The following CEP83 variants were observed in gnomAD, a reference collection of about 807,000 sequenced individuals.
CEP83 encodes centrosomal protein of 83 kDa.
A neutral mutation model predicts 101.9 loss-of-function variants in CEP83; 70 were observed. The observed-to-expected ratio is 0.69, with a 90% CI of 0.57 to 0.84. The LOEUF is 0.84. Ranked by LOEUF, CEP83 falls within the 40% of genes least tolerant of loss-of-function variation. CEP83 has a pLI of 0.00. For synonymous variants in CEP83, 264 were observed against 267.9 expected (o/e 0.99, Z 0.14); for missense variants, 715 against 787.2 (o/e 0.91, Z 1.10).
At chr12:94,357,145 C>T (rs1173618984) in intron 11 of CEP83, among the ~76,000 whole-genome samples, 1 of 152,142 alleles carries the variant, frequency 6.6e-6, no homozygotes, top group Non-Finnish European at 1.5e-5. Context: ...TAGCTTTCCA[C>T]AATGCTAATC....
intron 14 of CEP83, among the ~76,000 whole-genome samples, chr12:94,318,009 T>C (rs1971009780): frequency 6.6e-6 from 1 of 152,166 alleles, no homozygotes; most frequent in Admixed American, 6.5e-5. Flanking sequence ...AAATTGCTTT[T>C]GACAGTATGG....
chr12:94,439,525 T>C lies in CEP83; in HGVS notation c.-154-4198A>G, dbSNP rs183696261. ...AACAGGTCAATAACAAGTAGCAAGA[T>C]TGAAACAGTAATAAACAAAAAAAAT... On this transcript the variant is annotated intron_variant, in intron 1 of 16. Coordinates refer to ENST00000397809, the MANE Select transcript of CEP83 (RefSeq NM_016122.3). 2.7e-3 allele frequency among the ~76,000 whole-genome samples: 404 copies of C among 150,696 alleles called. 7 individuals carry two copies. In the South Asian group the frequency reaches 0.043, roughly 16 times the overall value.
At chr12:94,390,010 G>A (rs2062418887) in intron 6 of CEP83, among the ~76,000 whole-genome samples, 1 of 152,250 alleles carries the variant, frequency 6.6e-6, no homozygotes, top group Non-Finnish European at 1.5e-5. Context: ...AGGACCTACT[G>A]CCTCTAGACA....
intron 1 of CEP83, among the ~76,000 whole-genome samples, chr12:94,449,618 AG>A (rs1249874595): frequency 1.3e-4 from 20 of 148,992 alleles, no homozygotes; most frequent in Non-Finnish European, 3.0e-4. Context: ...AAAAAAAAAA[AG>A]AAAAATAGCC....
rs530807821 is a variant in CEP83, at chr12:94,394,075, C to G, written c.549+6775G>C. On this transcript the variant is annotated intron_variant, in intron 6 of 16. Coordinates refer to ENST00000397809, the MANE Select transcript of CEP83 (RefSeq NM_016122.3). ...CAAGGTAATTTAGATTCAATGCCAT[C>G]CCCATCAAGCTACCAATGACTTTCT... Among the ~76,000 whole-genome samples the G allele has an allele frequency of 9.2e-5, 14 of 152,224 alleles. No individual in the cohort carries two copies. In the East Asian group the frequency reaches 2.7e-3, roughly 29 times the overall value.
chr12:94,334,952 T>C (rs1248045111), intron 12 of CEP83, among the ~76,000 whole-genome samples: 1 of 152,110 alleles, frequency 6.6e-6, no homozygotes, highest in Non-Finnish European at 1.5e-5. Flanking sequence ...GTCCATCTAG[T>C]TAAGACTTAG....
At chr12:94,293,826 GC>G in the CEP83 span, among the ~76,000 whole-genome samples, 3 of 152,064 alleles carry the variant, frequency 2.0e-5, no homozygotes, top group African/African-American at 7.3e-5. Context: ...TCCCTATGTT[GC>G]CCAGGCTGGT....
the CEP83 span, among the ~76,000 whole-genome samples, chr12:94,293,149 C>T: frequency 6.6e-6 from 1 of 152,156 alleles, no homozygotes; most frequent in Non-Finnish European, 1.5e-5. Flanking sequence ...AAGATTTACC[C>T]ATGTGGCGTG....
chr12:94,267,946 G>GA, the CEP83 span, among the ~76,000 whole-genome samples: 3 of 152,052 alleles, frequency 2.0e-5, no homozygotes, highest in African/African-American at 7.3e-5. Flanking sequence ...TTATGTAATT[G>GA]AAAACCAAGG....
intron 1 of CEP83, among the ~76,000 whole-genome samples, chr12:94,442,286 C>T (rs148906023): frequency 5.1e-4 from 78 of 151,700 alleles, no homozygotes; most frequent in African/African-American, 1.8e-3. Context: ...AACCAAACAC[C>T]GTATCTTCTC....
chr12:94,431,854 C>A (rs2065651321), intron 2 of CEP83, among the ~76,000 whole-genome samples: 1 of 151,948 alleles, frequency 6.6e-6, no homozygotes, highest in Admixed American at 6.6e-5. Flanking sequence ...ATTAGTACAG[C>A]TACTATGAAA....
intron 1 of CEP83, among the ~76,000 whole-genome samples, chr12:94,439,317 C>T (rs568960586): frequency 1.3e-5 from 2 of 152,120 alleles, no homozygotes; most frequent in South Asian, 4.1e-4. Flanking sequence ...ATCCAAACAG[C>T]TCAATTAGAA....
At position 94,455,230 on chromosome 12, in the gene CEP83, CTTAAGT is replaced by C. The variant is rs545848618; in HGVS notation, c.-155+4321_-155+4326del. On this transcript the variant is annotated intron_variant, in intron 1 of 16. Transcript: ENST00000397809. ...CCTTAAGAGCATATATTGCATGCCC[CTTAAGT>C]TTAACAATATCTGAAATAGCTGCCT... Among the ~76,000 whole-genome samples the C allele has an allele frequency of 2.3e-3, 345 of 152,286 alleles. 1 individual carries two copies. Among genetic ancestry groups the C allele is most frequent in the Non-Finnish European group, 3.5e-3 (240 of 68,020 alleles).
At chr12:94,384,072 G>C (rs1157434421) in intron 6 of CEP83, among the ~76,000 whole-genome samples, 1 of 152,028 alleles carries the variant, frequency 6.6e-6, no homozygotes, top group Non-Finnish European at 1.5e-5. Context: ...CTAATACTTT[G>C]AGATTCCTTC....
At position 94,367,960 on chromosome 12, in the gene CEP83, T is replaced by C. The variant is rs752402166; in HGVS notation, c.1194-17A>G. 1 of 1,609,974 alleles carries C rather than the reference T, an allele frequency of 6.2e-7. No homozygotes were observed. The highest frequency in any genetic ancestry group is 2.2e-5 in the East Asian group (1 of 44,802). On this transcript the variant is annotated splice_polypyrimidine_tract_variant and intron_variant, in intron 10 of 16. Transcript: ENST00000397809. ...AGTTCTAACCTAAAACAAGAGATCA[T>C]AATTATGTTACAAGAACTATAATAA...
chr12:94,458,827 C>T (rs1302357094), intron 1 of CEP83, among the ~76,000 whole-genome samples: 1 of 152,186 alleles, frequency 6.6e-6, no homozygotes, highest in East Asian at 1.9e-4. Context: ...ATTCTAACCA[C>T]TTACAGGCTA....
intron 14 of CEP83, among the ~76,000 whole-genome samples, chr12:94,317,717 AT>A (rs1308809424): frequency 3.3e-5 from 5 of 152,054 alleles, no homozygotes; most frequent in Non-Finnish European, 7.4e-5. Flanking sequence ...TGAAGATCAG[AT>A]GATTGTAGCT....
chr12:94,441,499 A>G (rs2066393112), intron 1 of CEP83, among the ~76,000 whole-genome samples: 1 of 152,242 alleles, frequency 6.6e-6, no homozygotes, highest in African/African-American at 2.4e-5. Flanking sequence ...AATGGCCATA[A>G]TTTAAAAATC....
At chr12:94,307,058 T>G (rs1969104975), downstream of CEP83, 1 of 152,148 alleles carries the variant, frequency 6.6e-6, no homozygotes, top group Admixed American at 6.5e-5. Context: ...CCTACTACTT[T>G]AGGGTACTGA....
Sources: gnomAD v4.1 joint callset for allele counts (sites outside exome capture counted in the v4.1 genomes callset) on GRCh38, gnomAD v4.1.1 for gene constraint, MANE v1.5 for transcripts, NCBI Gene and HGNC (gene_info 2026-07-23, HGNC 2026-07-21) for gene names.